KMT2D: variants seen among roughly 807,000 people sequenced by gnomAD.
KMT2D encodes lysine methyltransferase 2D, also known as histone-lysine N-methyltransferase 2D.
In KMT2D, 55 loss-of-function variants were observed where a neutral mutation model predicts 512.7. The ratio of observed to expected loss-of-function variants is 0.11; its 90% CI spans 0.09 to 0.13. The LOEUF is 0.13. Ranked by LOEUF, KMT2D falls within the 10% of genes least tolerant of loss-of-function variation. The pLI, the probability that KMT2D is intolerant of heterozygous loss-of-function variation, is 1.00. For synonymous variants in KMT2D, 2,995 were observed against 2,904.0 expected (o/e 1.03, Z -1.01); for missense variants, 6,061 against 7,127.9 (o/e 0.85, Z 5.39).
At position 49,060,511 on chromosome 12, in the gene KMT2D, G is replaced by A. The variant is rs1024872229; in HGVS notation, c.-936C>T. Among the ~76,000 whole-genome samples, 2 of 152,362 alleles carry A rather than the reference G, an allele frequency of 1.3e-5. No homozygotes were observed. Among genetic ancestry groups the A allele is most frequent in the East Asian group, 3.9e-4 (2 of 5,192 alleles). ...CAACCCCGGCTCCCGGCACCGGGGG[G>A]TCAGGAAACTGAGCGGAAAGTGGGG... On this transcript the variant is annotated 5_prime_UTR_variant, in exon 1 of 55. Transcript: ENST00000301067.
At position 49,046,416 on chromosome 12, in the gene KMT2D, G is replaced by C. The variant is rs1227169455; in HGVS notation, c.4427C>G (p.Ser1476Cys). Reference protein sequence around the residue: ...KGGWKCKWCVSCMQCGAASPG... With the variant: ...KGGWKCKWCVCCMQCGAASPG... ...GGAAGCAGCCCCACACTGCATACAGGACACACACCTGATAGGAGCAGGAAA... is the reference window on the plus strand; with the variant it reads ...GGAAGCAGCCCCACACTGCATACAGCACACACACCTGATAGGAGCAGGAAA... The change falls in exon 17 of 55, where the codon TCC becomes TGC. Residue 1476 changes from serine to cysteine, a missense_variant. Transcript: ENST00000301067. The surrounding 1 kb of genome is among the most constrained non-coding windows in gnomAD (Gnocchi z 4.2). 5.6e-6 allele frequency: 9 copies of C among 1,613,670 alleles called. No homozygotes were observed. Among genetic ancestry groups the C allele is most frequent in the Non-Finnish European group, 7.6e-6 (9 of 1,179,846 alleles).
At position 49,054,450 on chromosome 12, in the gene KMT2D, A is replaced by C. The variant is rs1185809684; in HGVS notation, c.401-34T>G. Reference sequence around the variant, plus strand: ...GTGGGAAGAGGTAAAGAGAAAGGAAAGAATTAACAAAAAGAGGATTGCTGG... The same window carrying C: ...GTGGGAAGAGGTAAAGAGAAAGGAACGAATTAACAAAAAGAGGATTGCTGG... On this transcript the variant is annotated intron_variant, in intron 4 of 54. Transcript: ENST00000301067. This position sits in a 1 kb window ranked among gnomAD's most constrained non-coding sequence, Gnocchi z 6.4. The C allele has an allele frequency of 1.9e-6, 3 of 1,568,292 alleles. No homozygotes were observed. The highest frequency in any genetic ancestry group is 2.7e-5 in the African/African-American group (2 of 73,666).
Position 49,042,034 on chromosome 12 carries a change from C to G in KMT2D, c.6110-44G>C, listed in dbSNP as rs1325741581. Reference sequence around the variant, plus strand: ...GAGTCAGAGAAGACTTGGCAGGCGACTCCTCCACCTGCCATGTTGCCAGGC... The same window carrying G: ...GAGTCAGAGAAGACTTGGCAGGCGAGTCCTCCACCTGCCATGTTGCCAGGC... On this transcript the variant is annotated intron_variant, in intron 29 of 54. Transcript: ENST00000301067. The surrounding 1 kb of genome is among the most constrained non-coding windows in gnomAD (Gnocchi z 4.4). The G allele has an allele frequency of 1.2e-6, 2 of 1,611,576 alleles. No homozygotes were observed. Among genetic ancestry groups the G allele is most frequent in the South Asian group, 1.1e-5 (1 of 90,924 alleles).
intron 1 of KMT2D, 91 bp from the exon 2 acceptor site, chr12:49,055,452 T>G (rs1938352890): frequency 2.7e-6 from 2 of 743,476 alleles, no homozygotes; most frequent in Middle Eastern, 3.2e-4. Flanking sequence ...ATCCAGACCC[T>G]CCAGACATCA....
chr12:49,040,000 C>T lies in KMT2D; in HGVS notation c.7770G>A (p.Ser2590=), dbSNP rs1221374297. The T allele has an allele frequency of 7.4e-6, 12 of 1,613,462 alleles. No homozygotes were observed. The highest frequency in any genetic ancestry group is 1.7e-5 in the Admixed American group (1 of 59,928). ...YTVATGNFHP[S]GSPLGPSSGS... ...CGCTGCTGGGCCCCAGGGGGCTGCC[C>T]GATGGGTGGAAGTTCCCTGTGGCTA... Residue 2590 remains serine, a synonymous_variant, in exon 32 of 55, where the codon TCG becomes TCA. Coordinates refer to ENST00000301067, the MANE Select transcript of KMT2D (RefSeq NM_003482.4). The surrounding 1 kb of genome is among the most constrained non-coding windows in gnomAD (Gnocchi z 5.0).
In KMT2D at chr12:49,022,166, A is replaced by G. The variant is rs1565752711; in HGVS notation, c.16413-15T>C. ...GGTTAATGTACCTGGGCAGTGGGAC[A>G]GAGTCAGGGATGTCAGGCAACTAAC... On this transcript the variant is annotated splice_polypyrimidine_tract_variant and intron_variant, in intron 53 of 54. Transcript: ENST00000301067. The surrounding 1 kb of genome is among the most constrained non-coding windows in gnomAD (Gnocchi z 8.6). 1 of 1,611,536 alleles carries G rather than the reference A, an allele frequency of 6.2e-7. No homozygotes were observed. Among genetic ancestry groups the G allele is most frequent in the Admixed American group, 1.7e-5 (1 of 60,016 alleles).
chr12:49,039,623 CAA>C lies in KMT2D; in HGVS notation c.8047-8_8047-7del, dbSNP rs200754433. 9.4e-6 allele frequency: 15 copies of C among 1,599,288 alleles called. No individual in the cohort carries two copies. In the East Asian group the frequency reaches 3.4e-4, roughly 36 times the overall value. ...AGCTCTCGTAGTCGCTGGCGCTATG[CAA>C]AAAAAAGAGAAGAGGAATAAGCCCA... On this transcript the variant is annotated splice_region_variant and splice_polypyrimidine_tract_variant and intron_variant, in intron 32 of 54. Transcript: ENST00000301067. This position sits in a 1 kb window ranked among gnomAD's most constrained non-coding sequence, Gnocchi z 5.0.
At chr12:49,055,395 C>T (rs918553850) in intron 1 of KMT2D, 34 bp from the exon 2 acceptor site, 1 of 1,401,082 alleles carries the variant, frequency 7.1e-7, no homozygotes, top group Non-Finnish European at 9.9e-7. Flanking sequence ...TATATGCCTA[C>T]TAAGTCTTCC....
rs1064210 is a variant in KMT2D, at chr12:49,052,257, C to T, written c.1426G>A (p.Ala476Thr). 0.018 allele frequency: 26,650 copies of T among 1,478,052 alleles called. 3,260 individuals carry two copies. In the African/African-American group the frequency reaches 0.31, roughly 17 times the overall value. The allele number at this position is 1,478,052 out of a possible 1,614,324, so 91.6% of individuals were successfully genotyped here. A position where few individuals can be genotyped will look rare whatever the true frequency, so the allele number is the denominator to read the frequency against. Residue 476 changes from alanine (A) to threonine (T), a missense_variant, in exon 11 of 55, where the codon GCA becomes ACA. Transcript: ENST00000301067. ...TGCAATGCCTCAGGAAGTGGGGATG[C>T]GGGCAATTCCTCAGGTGGTGGTGAC... ...RLSPPPEELP[A>T]SPLPEALHLS...
rs2120365721 is a variant in KMT2D, at chr12:49,026,990, C to A, written c.14976G>T (p.Leu4992=). 5.6e-6 allele frequency: 9 copies of A among 1,614,038 alleles called. No homozygotes were observed. The highest frequency in any genetic ancestry group is 7.6e-6 in the Non-Finnish European group (9 of 1,179,898). The change falls in exon 49 of 55, where the codon CTG becomes CTT. Residue 4992 remains leucine, a synonymous_variant. Transcript: ENST00000301067. This position sits in a 1 kb window ranked among gnomAD's most constrained non-coding sequence, Gnocchi z 9.6. ...CACTGCCCTTCTGGATGGTCAGCAG[C>A]AGCCGAAGCCGCTTCCAGCGCACTC... is the stretch of plus-strand genomic sequence containing the variant. The part of the protein sequence containing the change: ...WKGVRWKRLR[L]LLTIQKGSGR...
intron 1 of KMT2D, among the ~76,000 whole-genome samples, chr12:49,057,571 A>G (rs1938485254): frequency 6.6e-6 from 1 of 152,230 alleles, no homozygotes; most frequent in African/African-American, 2.4e-5. Flanking sequence ...AGAAGCAAAG[A>G]GAAGAATGTC....
At chr12:49,059,450 T>C (rs1465339744) in intron 1 of KMT2D, among the ~76,000 whole-genome samples, 163 bp downstream of exon 1, 1 of 152,186 alleles carries the variant, frequency 6.6e-6, no homozygotes, top group Non-Finnish European at 1.5e-5. Flanking sequence ...AGTTCTGCCC[T>C]GGTGACTGGC....
At position 49,046,898 on chromosome 12, in the gene KMT2D, T is replaced by C. The variant is rs1943814090; in HGVS notation, c.4237-108A>G. The C allele has an allele frequency of 1.0e-6, 1 of 1,001,012 alleles. No individual in the cohort carries two copies. The highest frequency in any genetic ancestry group is 2.7e-5 in the East Asian group (1 of 37,662). The allele number at this position is 1,001,012 out of a possible 1,614,324, so 62.0% of individuals were successfully genotyped here. A position where few individuals can be genotyped will look rare whatever the true frequency, so the allele number is the denominator to read the frequency against. On this transcript the variant is annotated intron_variant, in intron 15 of 54. Transcript: ENST00000301067. This position sits in a 1 kb window ranked among gnomAD's most constrained non-coding sequence, Gnocchi z 4.2. ...TTTGCTCTTGTTCCCCAGGCTGGAG[T>C]GCAATGGCGCGATCTCGGCTCACTG...
Position 49,041,642 on chromosome 12 carries a change from C to G in KMT2D, c.6234+13G>C, listed in dbSNP as rs1224982178. The G allele has an allele frequency of 6.2e-7, 1 of 1,613,508 alleles. No individual in the cohort carries two copies. The highest frequency in any genetic ancestry group is 8.5e-7 in the Non-Finnish European group (1 of 1,179,644). ...ACTAGAGGACTGCTACACCCCAGCCCAGCCCCACTCACCTTCTGCACCTTG... is the reference window on the plus strand; with the variant it reads ...ACTAGAGGACTGCTACACCCCAGCCGAGCCCCACTCACCTTCTGCACCTTG... On this transcript the variant is annotated intron_variant, in intron 31 of 54. Coordinates refer to ENST00000301067, the MANE Select transcript of KMT2D (RefSeq NM_003482.4). This position sits in a 1 kb window ranked among gnomAD's most constrained non-coding sequence, Gnocchi z 5.4.
Position 49,042,608 on chromosome 12 carries a change from T to C in KMT2D, c.5820A>G (p.Pro1940=), listed in dbSNP as rs372910439. ...GGCAGAGGCCTGGGTAGGAGTCCAT[T>C]GGGCTGCTGGAGGGCAGATTGCCCA... ...LPLGNLPSSS[P]MDSYPGLCQS... Residue 1940 remains proline (P), a synonymous_variant, in exon 28 of 55, where the codon CCA becomes CCG. Transcript: ENST00000301067. This position sits in a 1 kb window ranked among gnomAD's most constrained non-coding sequence, Gnocchi z 4.4. 3.7e-6 allele frequency: 6 copies of C among 1,613,632 alleles called. No individual in the cohort carries two copies. In the Admixed American group the frequency reaches 8.3e-5, roughly 22 times the overall value.
intron 15 of KMT2D, 118 bp downstream of exon 15, chr12:49,047,847 C>T: frequency 2.9e-6 from 2 of 693,074 alleles, no homozygotes; most frequent in Non-Finnish European, 5.2e-6. Context: ...CCACTGGTGA[C>T]TAATGAACAA....
intron 42 of KMT2D, 79 bp downstream of exon 42, chr12:49,030,522 A>G: frequency 6.8e-7 from 1 of 1,475,570 alleles, no homozygotes; most frequent in South Asian, 1.3e-5. Context: ...TACGTCAGCA[A>G]TTCCCTCAAG....
chr12:49,039,171 A>G lies in KMT2D; in HGVS notation c.8366+51T>C. 6.2e-7 allele frequency: 1 copy of G among 1,605,006 alleles called. No homozygotes were observed. ...AAAATCACAAGAGCTTCCAACAGTG[A>G]TAAAATCCATCCCCCTTGGTTTACC... On this transcript the variant is annotated intron_variant, in intron 34 of 54. Coordinates refer to ENST00000301067, the MANE Select transcript of KMT2D (RefSeq NM_003482.4). This position sits in a 1 kb window ranked among gnomAD's most constrained non-coding sequence, Gnocchi z 5.0.
Position 49,043,892 on chromosome 12 carries a change from C to G in KMT2D, c.5295G>C (p.Glu1765Asp), listed in dbSNP as rs963946740. 4 of 1,614,090 alleles carry G rather than the reference C, an allele frequency of 2.5e-6. No homozygotes were observed. The highest frequency in any genetic ancestry group is 3.4e-6 in the Non-Finnish European group (4 of 1,179,914). ...QRRGRKKSKL[E>D]DMFPAYLQEA... ...CCTGCAAGTAAGCAGGGAACATGTC[C>G]TCCAGTTTGCTCTTCTTGCGCCCTC... The change falls in exon 23 of 55, where the codon GAG becomes GAC. Residue 1765 changes from glutamate to aspartate, a missense_variant. Glu to Asp is a conservative substitution (Grantham distance 45). Transcript: ENST00000301067.
Sources: gnomAD v4.1 joint callset for allele counts (sites outside exome capture counted in the v4.1 genomes callset) on GRCh38, gnomAD v4.1.1 for gene constraint, Gnocchi (gnomAD v3.1) non-coding constraint, MANE v1.5 for transcripts, NCBI Gene and HGNC (gene_info 2026-07-23, HGNC 2026-07-21) for gene names.